TESK2: variants seen among roughly 807,000 people sequenced by gnomAD.
TESK2 encodes the protein dual specificity testis-specific protein kinase 2.
In TESK2, 39 loss-of-function variants were observed where a neutral mutation model predicts 57.1. The observed-to-expected ratio is 0.68, with a 90% CI of 0.53 to 0.89. TESK2 has a LOEUF of 0.89. TESK2 is among the 40% of genes least tolerant of loss of function. The pLI, the probability that TESK2 is intolerant of heterozygous loss-of-function variation, is 0.00. For synonymous variants in TESK2, 249 were observed against 267.9 expected (o/e 0.93, Z 0.69); for missense variants, 646 against 732.1 (o/e 0.88, Z 1.36).
chr1:45,343,922 C>A lies in TESK2; in HGVS notation c.*918G>T. ...ACTTTATTTTTAAGTCTGAAAATGT[C>A]TTGGGAAAGTTTTACAAAAAAAAAA... On this transcript the variant is annotated 3_prime_UTR_variant, in exon 11 of 11. Coordinates refer to ENST00000372086, the MANE Select transcript of TESK2 (RefSeq NM_007170.3). The surrounding 1 kb of genome is among the most constrained non-coding windows in gnomAD (Gnocchi z 4.3). The A allele has an allele frequency of 4.7e-6, 2 of 426,942 alleles. No homozygotes were observed. The highest frequency in any genetic ancestry group is 8.2e-6 in the Non-Finnish European group (2 of 243,124). The allele number at this position is 426,942 out of a possible 1,614,324, so 26.4% of individuals were successfully genotyped here.
intron 4 of TESK2, among the ~76,000 whole-genome samples, chr1:45,380,258 A>G (rs1648602397): frequency 6.6e-6 from 1 of 152,146 alleles, no homozygotes; most frequent in Admixed American, 6.5e-5. Flanking sequence ...CCTGCTCACC[A>G]AGCAATTCAA....
At chr1:45,417,214 C>G (rs1195294408) in intron 3 of TESK2, among the ~76,000 whole-genome samples, 1 of 152,004 alleles carries the variant, frequency 6.6e-6, no homozygotes, top group East Asian at 1.9e-4. Context: ...CCAAGTTGTC[C>G]CAAATGACAG....
intron 2 of TESK2, among the ~76,000 whole-genome samples, chr1:45,448,417 A>G (rs1015010519): frequency 3.9e-5 from 6 of 152,254 alleles, no homozygotes; most frequent in African/African-American, 1.4e-4. Flanking sequence ...CAAGTAATTT[A>G]TAAAGAAAAG....
intron 2 of TESK2, among the ~76,000 whole-genome samples, chr1:45,449,001 G>C (rs1651763156): frequency 6.6e-6 from 1 of 151,970 alleles, no homozygotes; most frequent in African/African-American, 2.4e-5. Context: ...GAGGCAGGTG[G>C]ATCACAAGGT....
intron 2 of TESK2, among the ~76,000 whole-genome samples, chr1:45,448,253 A>AG (rs1651722853): frequency 6.7e-6 from 1 of 149,800 alleles, no homozygotes; most frequent in Admixed American, 6.7e-5. Context: ...AAAAAAAAAA[A>AG]AAGAAAAAAG....
At chr1:45,419,108 G>A (rs1012481104) in intron 3 of TESK2, among the ~76,000 whole-genome samples, 4 of 151,908 alleles carry the variant, frequency 2.6e-5, no homozygotes, top group African/African-American at 9.7e-5. Context: ...CTCCCGAGTA[G>A]CTGGGACTAC....
At position 45,344,756 on chromosome 1, in the gene TESK2, G is replaced by A. The variant is rs1365316944; in HGVS notation, c.*84C>T. 1.5e-6 allele frequency: 2 copies of A among 1,322,974 alleles called. No individual in the cohort carries two copies. Among genetic ancestry groups the A allele is most frequent in the African/African-American group, 1.5e-5 (1 of 67,824 alleles). 82.0% of individuals were successfully genotyped at this position (1,322,974 alleles called of 1,614,324 possible). A position where few individuals can be genotyped will look rare whatever the true frequency, so the allele number is the denominator to read the frequency against. On this transcript the variant is annotated 3_prime_UTR_variant, in exon 11 of 11. Coordinates refer to ENST00000372086, the MANE Select transcript of TESK2 (RefSeq NM_007170.3). ...AGCCTGCCTGCTCTGTAGGCTCCAG[G>A]GAAGAATCAAGGCTGTGCACCTAGG...
chr1:45,383,638 T>C (rs1648747278), intron 4 of TESK2, among the ~76,000 whole-genome samples: 1 of 152,232 alleles, frequency 6.6e-6, no homozygotes, highest in Non-Finnish European at 1.5e-5. Context: ...TTTTAAAGGA[T>C]GTTCTTCTCT....
chr1:45,396,494 CT>C (rs796355065), intron 3 of TESK2, among the ~76,000 whole-genome samples: 143 of 145,666 alleles, frequency 9.8e-4, no homozygotes, highest in Admixed American at 1.2e-3. Context: ...TGAGATAACT[CT>C]TTTTTTTTTT....
intron 1 of TESK2, among the ~76,000 whole-genome samples, chr1:45,487,582 TTA>T (rs1557593166): frequency 6.6e-6 from 1 of 152,216 alleles, no homozygotes; most frequent in Non-Finnish European, 1.5e-5. Flanking sequence ...GGCTGTCCAA[TTA>T]TATATTTCTT....
chr1:45,369,155 C>G (rs937562775), intron 4 of TESK2, among the ~76,000 whole-genome samples: 1 of 152,066 alleles, frequency 6.6e-6, no homozygotes, highest in Admixed American at 6.6e-5. Context: ...TTTCTTCTAC[C>G]CTAGGAGTGT....
chr1:45,365,316 A>T (rs1293484274), intron 4 of TESK2, among the ~76,000 whole-genome samples: 1 of 152,196 alleles, frequency 6.6e-6, no homozygotes, highest in Admixed American at 6.5e-5. Flanking sequence ...TGACTGAAAC[A>T]GTCAGTAGTA....
chr1:45,439,586 T>C (rs1651358064), intron 2 of TESK2, among the ~76,000 whole-genome samples: 1 of 152,196 alleles, frequency 6.6e-6, no homozygotes, highest in Non-Finnish European at 1.5e-5. Context: ...TAGATATTAT[T>C]ACAATCCTCA....
chr1:45,448,958 C>T (rs889243597), intron 2 of TESK2, among the ~76,000 whole-genome samples: 1 of 152,128 alleles, frequency 6.6e-6, no homozygotes, highest in Non-Finnish European at 1.5e-5. Flanking sequence ...GGTGCAGTGG[C>T]TCACGCCTGC....
chr1:45,382,212 G>A (rs1648689864), intron 4 of TESK2, among the ~76,000 whole-genome samples: 1 of 151,988 alleles, frequency 6.6e-6, no homozygotes, highest in Admixed American at 6.6e-5. Context: ...AATTTAAAAG[G>A]TTTCATGTGA....
chr1:45,345,855 G>A (rs1311884561), intron 10 of TESK2, 22 bp downstream of exon 10: 1 of 1,593,614 alleles, frequency 6.3e-7, no homozygotes, highest in Non-Finnish European at 8.6e-7. Flanking sequence ...GTTAGGTTGG[G>A]CTCCCTGGTC....
intron 5 of TESK2, among the ~76,000 whole-genome samples, chr1:45,349,038 C>T (rs928545366): frequency 1.3e-5 from 2 of 152,082 alleles, no homozygotes; most frequent in East Asian, 1.9e-4. Context: ...TCACCCCACC[C>T]GCTTCCTTCA....
At chr1:45,355,275 A>G (rs962891050) in intron 5 of TESK2, 28 bp downstream of exon 5, 13 of 1,611,288 alleles carry the variant, frequency 8.1e-6, no homozygotes, top group South Asian at 1.1e-5. Flanking sequence ...GTATCTCTCA[A>G]TGAGTTGTGA....
intron 1 of TESK2, among the ~76,000 whole-genome samples, chr1:45,470,467 A>G (rs1167231446): frequency 6.6e-6 from 1 of 152,210 alleles, no homozygotes; most frequent in Non-Finnish European, 1.5e-5. Flanking sequence ...ACCAAAGGCA[A>G]TCTAGCATAA....
Sources: gnomAD v4.1 joint callset for allele counts (sites outside exome capture counted in the v4.1 genomes callset) on GRCh38, gnomAD v4.1.1 for gene constraint, Gnocchi (gnomAD v3.1) non-coding constraint, MANE v1.5 for transcripts, NCBI Gene and HGNC (gene_info 2026-07-23, HGNC 2026-07-21) for gene names.